TLCD4: variants seen among roughly 807,000 people sequenced by gnomAD.
TLCD4 encodes the protein TLC domain containing 4.
Under a neutral mutation model 24.2 loss-of-function variants are expected in TLCD4, and 7 were observed. That is an observed-to-expected ratio of 0.29 (90% confidence interval 0.16 to 0.54). The LOEUF (loss-of-function observed/expected upper bound fraction) is 0.54. TLCD4 is among the 20% of genes least tolerant of loss of function. The pLI, the probability that TLCD4 is intolerant of heterozygous loss-of-function variation, is 0.95. For synonymous variants in TLCD4, 103 were observed against 106.4 expected, an observed-to-expected ratio of 0.97 and a Z score of 0.20; for missense variants, 259 against 313.9, an observed-to-expected ratio of 0.82 and a Z score of 1.32.
At chr1:95,181,377 A>G (rs1464056296) in intron 6 of TLCD4, among the ~76,000 whole-genome samples, 1 of 152,160 alleles carries the variant, frequency 6.6e-6, no homozygotes, top group Non-Finnish European at 1.5e-5. Flanking sequence ...TAATTATGCA[A>G]TAGAAAAAAA....
At chr1:95,119,926 C>T (rs939121808) in intron 1 of TLCD4, among the ~76,000 whole-genome samples, 1 of 150,674 alleles carries the variant, frequency 6.6e-6, no homozygotes, top group Non-Finnish European at 1.5e-5. Context: ...ACAGTCTACA[C>T]TAAGATATGA....
chr1:95,171,997 G>A (rs1202819289), intron 5 of TLCD4, among the ~76,000 whole-genome samples: 1 of 152,184 alleles, frequency 6.6e-6, no homozygotes, highest in Non-Finnish European at 1.5e-5. Context: ...ATAATGCCAC[G>A]TGGAGACTGG....
chr1:95,180,259 GA>G (rs1678586636), intron 6 of TLCD4, among the ~76,000 whole-genome samples: 2 of 152,120 alleles, frequency 1.3e-5, no homozygotes, highest in African/African-American at 4.8e-5. Context: ...GTTTTTGTTT[GA>G]AACTCTTTTA....
intron 5 of TLCD4, chr1:95,164,098 G>A (rs970301692): frequency 6.6e-6 from 1 of 152,434 alleles, no homozygotes; most frequent in Non-Finnish European, 1.5e-5. Context: ...TGCCCCCAGA[G>A]GTGGAGTCTA....
rs982270619 is a variant in TLCD4 at position 95,193,908 on chromosome 1, T to A, written c.*2040T>A. On this transcript the variant is annotated 3_prime_UTR_variant, in exon 7 of 7. Coordinates refer to ENST00000370203, the MANE Select transcript of TLCD4 (RefSeq NM_152487.3). ...TGCAGGAAAAGTGGCTTTAAAAAAATTTATATAATAAAACTATTTTGGAAA... is the reference window on the plus strand; with the variant it reads ...TGCAGGAAAAGTGGCTTTAAAAAAAATTATATAATAAAACTATTTTGGAAA... The A allele has an allele frequency of 6.6e-6, 1 of 152,034 alleles. No homozygotes were observed. The highest frequency in any genetic ancestry group is 2.4e-5 in the African/African-American group (1 of 41,448). 9.4% of individuals were successfully genotyped at this position (152,034 alleles called of 1,614,324 possible). A position where few individuals can be genotyped will look rare whatever the true frequency, so the allele number is the denominator to read the frequency against.
the TLCD4 span, among the ~76,000 whole-genome samples, chr1:95,095,642 C>A: frequency 1.9e-4 from 29 of 152,290 alleles, no homozygotes; most frequent in South Asian, 4.6e-3. Flanking sequence ...TGTGATCCAC[C>A]CGCCTCAGCC....
At chr1:95,131,626 A>G (rs1473017524) in intron 1 of TLCD4, among the ~76,000 whole-genome samples, 1 of 152,254 alleles carries the variant, frequency 6.6e-6, no homozygotes, top group Non-Finnish European at 1.5e-5. Flanking sequence ...TGATGATAGT[A>G]GCTTGAGAAG....
At chr1:95,174,442 A>G (rs1678345448) in intron 6 of TLCD4, among the ~76,000 whole-genome samples, 1 of 150,718 alleles carries the variant, frequency 6.6e-6, no homozygotes, top group Non-Finnish European at 1.5e-5. Flanking sequence ...AGGTTGAGGC[A>G]GGAGGATTGC....
At chr1:95,127,497 T>C (rs1041898888) in intron 1 of TLCD4, among the ~76,000 whole-genome samples, 1 of 152,176 alleles carries the variant, frequency 6.6e-6, no homozygotes, top group Non-Finnish European at 1.5e-5. Flanking sequence ...AAAATCATGC[T>C]TTGTCCAGGT....
chr1:95,191,849 A>G lies in TLCD4; in HGVS notation c.773A>G (p.Gln258Arg). 1 of 1,613,576 alleles carries G rather than the reference A, an allele frequency of 6.2e-7. No individual in the cohort carries two copies. The highest frequency in any genetic ancestry group is 8.5e-7 in the Non-Finnish European group (1 of 1,179,790). The change falls in exon 7 of 7, where the codon CAG becomes CGG. Residue 258 changes from glutamine to arginine, a missense_variant. Gln to Arg is a conservative substitution (Grantham distance 43). Transcript: ENST00000370203. ...IRQEKAKNSL[Q>R]NGKLD ...CAAGAGAAAGCCAAAAATAGTCTTC[A>G]GAATGGAAAACTTGATTAAAAGAGT...
In TLCD4 at chr1:95,195,515, A is replaced by G. The variant is rs1196889818; in HGVS notation, c.*3647A>G. 1 of 152,234 alleles carries G rather than the reference A, an allele frequency of 6.6e-6. No homozygotes were observed. The highest frequency in any genetic ancestry group is 1.5e-5 in the Non-Finnish European group (1 of 68,030). 9.4% of individuals were successfully genotyped at this position (152,234 alleles called of 1,614,324 possible). On this transcript the variant is annotated 3_prime_UTR_variant, in exon 7 of 7. Coordinates refer to ENST00000370203, the MANE Select transcript of TLCD4 (RefSeq NM_152487.3). ...GAAAAGTTCATGTATTGACATCATC[A>G]ATAATACTTCATAAAGGTTTATGTA...
In TLCD4 at chr1:95,192,061, C is replaced by CCGGG; in HGVS notation, c.*194_*195insGGGC. 7.6e-7 allele frequency: 1 copy of CCGGG among 1,320,230 alleles called. No individual in the cohort carries two copies. Among genetic ancestry groups the CCGGG allele is most frequent in the Non-Finnish European group, 9.8e-7 (1 of 1,015,682 alleles). 81.8% of individuals were successfully genotyped at this position (1,320,230 alleles called of 1,614,324 possible). A position where few individuals can be genotyped will look rare whatever the true frequency, so the allele number is the denominator to read the frequency against. On this transcript the variant is annotated 3_prime_UTR_variant, in exon 7 of 7. Transcript: ENST00000370203. ...CCTGTAATCCCAGCACTTTGGGAGGCCAAGGTGGGTCGATCACTGAGGTCA... is the reference window on the plus strand; with the variant it reads ...CCTGTAATCCCAGCACTTTGGGAGGCCGGGCAAGGTGGGTCGATCACTGAGGTCA...
chr1:95,184,573 G>C (rs954594127), intron 6 of TLCD4, among the ~76,000 whole-genome samples: 6 of 152,108 alleles, frequency 3.9e-5, no homozygotes, highest in Non-Finnish European at 4.4e-5. Flanking sequence ...ACCAAAGTTA[G>C]GATTTTCTCT....
chr1:95,113,617 T>A (rs1285545368), upstream of TLCD4, among the ~76,000 whole-genome samples: 1 of 152,196 alleles, frequency 6.6e-6, no homozygotes, highest in Non-Finnish European at 1.5e-5. Flanking sequence ...TTTTTTGTTA[T>A]AAGCCTTTAA....
Position 95,197,592 on chromosome 1 carries a change from A to G in TLCD4, c.*5724A>G, listed in dbSNP as rs940948335. The G allele has an allele frequency of 2.6e-5, 4 of 152,198 alleles. No individual in the cohort carries two copies. The highest frequency in any genetic ancestry group is 9.7e-5 in the African/African-American group (4 of 41,440). The allele number at this position is 152,198 out of a possible 1,614,324, so 9.4% of individuals were successfully genotyped here. On this transcript the variant is annotated 3_prime_UTR_variant, in exon 7 of 7. Coordinates refer to ENST00000370203, the MANE Select transcript of TLCD4 (RefSeq NM_152487.3). ...TGTGGAAAAAAACAATAAAATCACA[A>G]TTATTTAGTGCAAAAGTTTGTCTGC...
At chr1:95,169,293 T>C (rs761620810) in intron 5 of TLCD4, among the ~76,000 whole-genome samples, 10 of 152,154 alleles carry the variant, frequency 6.6e-5, no homozygotes, top group Non-Finnish European at 1.5e-4. Context: ...ACGAGAACCA[T>C]TGGGCTAGAA....
At chr1:95,129,708 C>T (rs905926445) in intron 1 of TLCD4, among the ~76,000 whole-genome samples, 1 of 152,168 alleles carries the variant, frequency 6.6e-6, no homozygotes, top group Non-Finnish European at 1.5e-5. Context: ...TGCCATTGCA[C>T]TCCAGCCTGG....
intron 5 of TLCD4, among the ~76,000 whole-genome samples, chr1:95,172,696 G>A (rs1005511746): frequency 2.6e-5 from 4 of 151,982 alleles, no homozygotes; most frequent in African/African-American, 4.8e-5. Flanking sequence ...TAATTTTCAC[G>A]AATAAATACT....
At chr1:95,131,560 G>A (rs1184971121) in intron 1 of TLCD4, among the ~76,000 whole-genome samples, 1 of 152,236 alleles carries the variant, frequency 6.6e-6, no homozygotes, top group African/African-American at 2.4e-5. Flanking sequence ...TTCTCCTGGA[G>A]CCCTCCAATT....
Sources: gnomAD v4.1 joint callset for allele counts (sites outside exome capture counted in the v4.1 genomes callset) on GRCh38, gnomAD v4.1.1 for gene constraint, MANE v1.5 for transcripts, NCBI Gene and HGNC (gene_info 2026-07-23, HGNC 2026-07-21) for gene names.